HDHD2: variants seen among roughly 807,000 people sequenced by gnomAD.
HDHD2 encodes haloacid dehalogenase like hydrolase domain containing 2, also known as haloacid dehalogenase-like hydrolase domain-containing protein 2.
HDHD2 carries 26 observed loss-of-function variants against 24.8 expected under a neutral mutation model. The ratio of observed to expected loss-of-function variants is 1.05; its 90% CI spans 0.77 to 1.45. The LOEUF (loss-of-function observed/expected upper bound fraction) is 1.45, where lower values mean the gene tolerates loss of function less well. Ranked by LOEUF, HDHD2 falls within the 40% of genes most tolerant of loss-of-function variation. The probability of loss-of-function intolerance (pLI) is 0.00; values close to 1 mark genes in which losing one functional copy is unlikely to be tolerated. For synonymous variants in HDHD2, 128 were observed against 114.9 expected, an observed-to-expected ratio of 1.11 and a Z score of -0.73; for missense variants, 299 against 313.4, an observed-to-expected ratio of 0.95 and a Z score of 0.35.
At position 47,108,441 on chromosome 18, in the gene HDHD2, A is replaced by G. The variant is rs141940623; in HGVS notation, c.*241T>C. 420 of 378,664 alleles carry G rather than the reference A, an allele frequency of 1.1e-3. 1 individual carries two copies. Among genetic ancestry groups the G allele is most frequent in the African/African-American group, 8.4e-3 (402 of 47,946 alleles). 23.5% of individuals were successfully genotyped at this position (378,664 alleles called of 1,614,324 possible). On this transcript the variant is annotated 3_prime_UTR_variant, in exon 7 of 7. Coordinates refer to ENST00000300605, the MANE Select transcript of HDHD2 (RefSeq NM_032124.5). Reference sequence around the variant, plus strand: ...TGATGAATATTTTAAAAGGAATGGCACAAAATCTCAGCTTTCCCTTTCTTT... The same window carrying G: ...TGATGAATATTTTAAAAGGAATGGCGCAAAATCTCAGCTTTCCCTTTCTTT...
At chr18:47,129,747 G>A (rs992902311) in intron 4 of HDHD2, among the ~76,000 whole-genome samples, 1 of 152,284 alleles carries the variant, frequency 6.6e-6, no homozygotes, top group Middle Eastern at 3.4e-3. Context: ...GATTAGCATA[G>A]TCAGTAGAGA....
At chr18:47,115,030 T>C (rs1490024470) in intron 5 of HDHD2, 102 bp downstream of exon 5, 3 of 787,510 alleles carry the variant, frequency 3.8e-6, no homozygotes, top group Non-Finnish European at 4.3e-6. Flanking sequence ...ACTGTCCACA[T>C]TGTCAGTAAC....
At chr18:47,128,240 T>C (rs1377576094) in intron 4 of HDHD2, among the ~76,000 whole-genome samples, 1 of 152,232 alleles carries the variant, frequency 6.6e-6, no homozygotes, top group Non-Finnish European at 1.5e-5. Context: ...TCAACATACA[T>C]TTTTATTTCC....
At chr18:47,133,464 A>G (rs1323030368) in intron 3 of HDHD2, among the ~76,000 whole-genome samples, 1 of 142,130 alleles carries the variant, frequency 7.0e-6, no homozygotes, top group Non-Finnish European at 1.5e-5. Context: ...ATATGTGTGC[A>G]TGTGTCTTTA....
chr18:47,136,962 T>A, intron 1 of HDHD2: 2 of 524,654 alleles, frequency 3.8e-6, no homozygotes, highest in Non-Finnish European at 7.0e-6. Context: ...CCACTCTTGG[T>A]GCAGACATGG....
At chr18:47,114,952 G>C (rs1046115699) in intron 5 of HDHD2, among the ~76,000 whole-genome samples, 180 bp downstream of exon 5, 3 of 151,968 alleles carry the variant, frequency 2.0e-5, no homozygotes, top group African/African-American at 7.3e-5. Context: ...AAAAATTTCA[G>C]TTCTTTAGAA....
At chr18:47,125,025 A>G (rs1377086735) in intron 4 of HDHD2, among the ~76,000 whole-genome samples, 1 of 152,136 alleles carries the variant, frequency 6.6e-6, no homozygotes. Flanking sequence ...AGCCAGGTGT[A>G]GTGGCACACA....
At position 47,108,731 on chromosome 18, in the gene HDHD2, CAAGTT is replaced by C. The variant is rs772741757; in HGVS notation, c.726_730del (p.Thr243Ter). 1.9e-6 allele frequency: 3 copies of C among 1,611,438 alleles called. No individual in the cohort carries two copies. Among genetic ancestry groups the C allele is most frequent in the Non-Finnish European group, 1.7e-6 (2 of 1,178,186 alleles). The stretch of plus-strand genomic sequence containing the variant: ...GTCCACAGCATGAGGGAAACTCTCA[CAAGTT>C]AAGTAAGGAGGTGGATTAATTTTTT... On this transcript the variant is annotated frameshift_variant, in exon 7 of 7. Coordinates refer to ENST00000300605, the MANE Select transcript of HDHD2 (RefSeq NM_032124.5). LOFTEE classifies it high-confidence loss of function.
chr18:47,145,075 C>T (rs1031244140), intron 1 of HDHD2, among the ~76,000 whole-genome samples: 2 of 152,154 alleles, frequency 1.3e-5, no homozygotes, highest in African/African-American at 2.4e-5. Flanking sequence ...GAAGGCCCAA[C>T]GAATTCTAAG....
chr18:47,108,370 A>T lies in HDHD2; in HGVS notation c.*312T>A, dbSNP rs1599915427. 1 of 234,588 alleles carries T rather than the reference A, an allele frequency of 4.3e-6. No individual in the cohort carries two copies. Among genetic ancestry groups the T allele is most frequent in the East Asian group, 8.8e-5 (1 of 11,370 alleles). The allele number at this position is 234,588 out of a possible 1,614,324, so 14.5% of individuals were successfully genotyped here. The stretch of plus-strand genomic sequence containing the variant: ...GTTTTCCAGTGAAGAGACAGCAGAG[A>T]ACACTCTTCCCTGTAGTAGCTTTTC... On this transcript the variant is annotated 3_prime_UTR_variant, in exon 7 of 7. Transcript: ENST00000300605.
chr18:47,114,925 G>A (rs72905454), intron 5 of HDHD2, among the ~76,000 whole-genome samples: 1,767 of 151,928 alleles, frequency 0.012, 20 homozygotes, highest in Non-Finnish European at 0.019. Context: ...ACGCTATGGA[G>A]AAATGTCAGA....
intron 4 of HDHD2, among the ~76,000 whole-genome samples, chr18:47,120,899 A>G (rs753799230): frequency 4.6e-5 from 7 of 152,176 alleles, no homozygotes; most frequent in Non-Finnish European, 1.0e-4. Flanking sequence ...TGCCATCTTA[A>G]CATGGGCATG....
At position 47,134,585 on chromosome 18, in the gene HDHD2, G is replaced by A. The variant is rs761514218; in HGVS notation, c.221C>T (p.Thr74Ile). 3 of 1,613,904 alleles carry A rather than the reference G, an allele frequency of 1.9e-6. No homozygotes were observed. The highest frequency in any genetic ancestry group is 1.1e-5 in the South Asian group (1 of 91,068). ...TAAACTTCTGGCTGCAGTCAGAGAT[G>A]TGAATATTTCATCTTCAGAGATATC... ...EFDISEDEIF[T>I]SLTAARSLLE... is the part of the protein sequence containing the mutation. The change falls in exon 3 of 7, where the codon ACA becomes ATA. Residue 74 changes from threonine to isoleucine, a missense_variant. Coordinates refer to ENST00000300605, the MANE Select transcript of HDHD2 (RefSeq NM_032124.5).
chr18:47,111,547 C>A, intron 6 of HDHD2: 3 of 985,374 alleles, frequency 3.0e-6, no homozygotes, highest in Non-Finnish European at 3.6e-6. Context: ...GACTTCATTT[C>A]ATTCTTCCTC....
intron 6 of HDHD2, chr18:47,110,500 T>C (rs1485249841): frequency 2.5e-5 from 25 of 984,314 alleles, no homozygotes; most frequent in Non-Finnish European, 3.0e-5. Flanking sequence ...CTGGATCCAG[T>C]GGTCTAAGAG....
intron 6 of HDHD2, among the ~76,000 whole-genome samples, chr18:47,112,070 T>C (rs1433239707): frequency 1.3e-5 from 2 of 152,222 alleles, no homozygotes; most frequent in East Asian, 1.9e-4. Context: ...TAATTCCAAA[T>C]GCAGCAGGTG....
At position 47,115,342 on chromosome 18, in the gene HDHD2, G is replaced by C. The variant is rs746952183; in HGVS notation, c.402C>G (p.Leu134=). ...TTGCTATCAGAGGTGCTCCATCCAG[G>C]AGTAACCTAGAGAGAACAACAACAA... The part of the protein sequence containing the change: ...YQILNQAFRL[L]LDGAPLIAIH... The change falls in exon 5 of 7, where the codon CTC becomes CTG. Residue 134 remains leucine, a synonymous_variant. Transcript: ENST00000300605. The C allele has an allele frequency of 6.2e-7, 1 of 1,610,172 alleles. No individual in the cohort carries two copies. Among genetic ancestry groups the C allele is most frequent in the Admixed American group, 1.7e-5 (1 of 59,354 alleles).
chr18:47,145,759 G>C (rs962655638), intron 1 of HDHD2, among the ~76,000 whole-genome samples: 7 of 152,112 alleles, frequency 4.6e-5, no homozygotes, highest in African/African-American at 1.7e-4. Context: ...AGAAAAGACA[G>C]ATAAATTCAA....
chr18:47,115,240 A>G lies in HDHD2; in HGVS notation c.504T>C (p.Tyr168=), dbSNP rs145428221. Residue 168 remains tyrosine, a synonymous_variant, in exon 5 of 7, where the codon TAT becomes TAC. Transcript: ENST00000300605. Reference sequence around the variant, plus strand: ...CGACTGTGGCTTTGGTATCTGTGGCATACTCTAAAGCAGTCACAAATGGTC... The same window carrying G: ...CGACTGTGGCTTTGGTATCTGTGGCGTACTCTAAAGCAGTCACAAATGGTC... ...GPGPFVTALE[Y]ATDTKATVVG... is the part of the protein sequence containing the mutation. 2.1e-4 allele frequency: 336 copies of G among 1,613,942 alleles called. No homozygotes were observed. Among genetic ancestry groups the G allele is most frequent in the Non-Finnish European group, 2.8e-4 (330 of 1,179,940 alleles).
Sources: gnomAD v4.1 joint callset for allele counts (sites outside exome capture counted in the v4.1 genomes callset) on GRCh38, gnomAD v4.1.1 for gene constraint, MANE v1.5 for transcripts, NCBI Gene and HGNC (gene_info 2026-07-23, HGNC 2026-07-21) for gene names.